ADGRG6: variants seen among roughly 807,000 people sequenced by gnomAD.
ADGRG6 encodes G-protein coupled receptor 126.
In ADGRG6, 84 loss-of-function variants were observed where a neutral mutation model predicts 142.4. The ratio of observed to expected loss-of-function variants is 0.59; its 90% CI spans 0.49 to 0.71. The LOEUF (loss-of-function observed/expected upper bound fraction) is 0.71, where lower values mean the gene tolerates loss of function less well. Among genes scored for constraint, ADGRG6 ranks in the 30% least tolerant of loss-of-function variants. The probability of loss-of-function intolerance (pLI) is 0.00; values close to 1 mark genes in which losing one functional copy is unlikely to be tolerated. For synonymous variants in ADGRG6, 521 were observed against 520.5 expected (o/e 1.00, Z -0.01); for missense variants, 1,367 against 1,466.6 (o/e 0.93, Z 1.11).
intron 16 of ADGRG6, among the ~76,000 whole-genome samples, chr6:142,408,922 C>A (rs968673560): frequency 2.0e-5 from 3 of 152,130 alleles, no homozygotes; most frequent in African/African-American, 7.2e-5. Flanking sequence ...CACCTAAGAT[C>A]TAGCCTCCTT....
intron 18 of ADGRG6, among the ~76,000 whole-genome samples, chr6:142,413,918 C>T (rs1776224122): frequency 6.6e-6 from 1 of 151,832 alleles, no homozygotes; most frequent in African/African-American, 2.4e-5. Context: ...CACACACACA[C>T]ACACACACAC....
chr6:142,334,042 G>T (rs1013572124), intron 2 of ADGRG6, among the ~76,000 whole-genome samples: 12 of 152,296 alleles, frequency 7.9e-5, no homozygotes, highest in African/African-American at 2.9e-4. Context: ...TTGTCTGAAG[G>T]AAGAAAGTCG....
At chr6:142,387,102 G>A (rs938897688) in intron 6 of ADGRG6, among the ~76,000 whole-genome samples, 12 of 152,196 alleles carry the variant, frequency 7.9e-5, no homozygotes, top group Non-Finnish European at 1.3e-4. Context: ...AGTCTTTAAA[G>A]CTACTTTTCA....
Position 142,350,064 on chromosome 6 carries a change from G to T in ADGRG6, c.104-17505G>T, listed in dbSNP as rs561150923. On this transcript the variant is annotated intron_variant, in intron 2 of 24. Transcript: ENST00000367609. Reference sequence around the variant, plus strand: ...CTTTGAAAAGCTTACAGACTTGATTGCATAAGCAAGGTAATTTTTAAAAAT... The same window carrying T: ...CTTTGAAAAGCTTACAGACTTGATTTCATAAGCAAGGTAATTTTTAAAAAT... 4.8e-3 allele frequency among the ~76,000 whole-genome samples: 733 copies of T among 152,288 alleles called. 8 individuals carry two copies. Among genetic ancestry groups the T allele is most frequent in the African/African-American group, 0.017 (695 of 41,556 alleles).
At chr6:142,361,408 CT>C (rs1780707407) in intron 2 of ADGRG6, among the ~76,000 whole-genome samples, 3 of 152,088 alleles carry the variant, frequency 2.0e-5, no homozygotes, top group African/African-American at 7.2e-5. Flanking sequence ...GTCTGAGATC[CT>C]CCGGCCAAAC....
At chr6:142,442,890 C>G (rs1777825354) in intron 24 of ADGRG6, among the ~76,000 whole-genome samples, 1 of 152,076 alleles carries the variant, frequency 6.6e-6, no homozygotes, top group Non-Finnish European at 1.5e-5. Flanking sequence ...TTGTAACCAT[C>G]AATTTATAGC....
At position 142,427,926 on chromosome 6, in the gene ADGRG6, C is replaced by T. The variant is rs185487072; in HGVS notation, c.3319+7822C>T. On this transcript the variant is annotated intron_variant, in intron 22 of 24. Transcript: ENST00000367609. ...TAATTCAATCACCTCCTACCAGGTT[C>T]CTCTCACGGTGTGTGAGAATTGTGG... Among the ~76,000 whole-genome samples, 165 of 152,286 alleles carry T rather than the reference C, an allele frequency of 1.1e-3. 2 individuals are homozygous for T. Among genetic ancestry groups the T allele is most frequent in the African/African-American group, 3.8e-3 (157 of 41,568 alleles).
chr6:142,311,254 A>T (rs1018282178), intron 2 of ADGRG6, among the ~76,000 whole-genome samples: 1 of 151,860 alleles, frequency 6.6e-6, no homozygotes, highest in Non-Finnish European at 1.5e-5. Flanking sequence ...AGATTTTCTT[A>T]TTTTTTGTTA....
intron 2 of ADGRG6, among the ~76,000 whole-genome samples, chr6:142,345,289 T>C (rs757231619): frequency 1.1e-4 from 17 of 152,106 alleles, no homozygotes; most frequent in African/African-American, 3.6e-4. Flanking sequence ...GGGAAAAGTA[T>C]AAGTAACTTG....
intron 1 of ADGRG6, among the ~76,000 whole-genome samples, chr6:142,305,228 G>A (rs1777429734): frequency 6.6e-6 from 1 of 152,112 alleles, no homozygotes; most frequent in South Asian, 2.1e-4. Context: ...CATGAAAACA[G>A]TGATATGTTT....
At chr6:142,418,295 TAAAAAAAAA>T in intron 21 of ADGRG6, among the ~76,000 whole-genome samples, 1 of 79,794 alleles carries the variant, frequency 1.3e-5, no homozygotes, top group East Asian at 3.9e-4. Flanking sequence ...AGACTCCATC[TAAAAAAAAA>T]AAAAAAAAAA....
chr6:142,303,723 G>T (rs920263028), intron 1 of ADGRG6, among the ~76,000 whole-genome samples: 2 of 151,996 alleles, frequency 1.3e-5, no homozygotes, highest in Admixed American at 6.6e-5. Flanking sequence ...GCAGGTATTT[G>T]CCCAGTTTTT....
chr6:142,311,518 A>G (rs1003640200), intron 2 of ADGRG6, among the ~76,000 whole-genome samples: 2 of 152,092 alleles, frequency 1.3e-5, no homozygotes, highest in Non-Finnish European at 2.9e-5. Context: ...TGAACTCCCA[A>G]GCCATTTAAA....
intron 2 of ADGRG6, among the ~76,000 whole-genome samples, chr6:142,346,334 T>A (rs1779900483): frequency 6.6e-6 from 1 of 152,236 alleles, no homozygotes; most frequent in South Asian, 2.1e-4. Context: ...TTTTTAATGA[T>A]TGCCATTCTA....
chr6:142,424,624 A>G (rs1459744136), intron 22 of ADGRG6, among the ~76,000 whole-genome samples: 1 of 151,088 alleles, frequency 6.6e-6, no homozygotes, highest in Non-Finnish European at 1.5e-5. Context: ...ATATTGGTCT[A>G]AAATTCTCTT....
intron 4 of ADGRG6, 23 bp downstream of exon 4, chr6:142,370,816 T>A (rs1159172852): frequency 2.2e-5 from 31 of 1,378,568 alleles, no homozygotes; most frequent in Non-Finnish European, 3.0e-5. Context: ...CGTATTCCTT[T>A]TTTTTTTTTT....
chr6:142,400,002 C>A (rs1775421774), intron 10 of ADGRG6, among the ~76,000 whole-genome samples: 2 of 152,036 alleles, frequency 1.3e-5, no homozygotes, highest in South Asian at 4.1e-4. Flanking sequence ...AGTTAGCTTC[C>A]AGGCAGGAGA....
intron 22 of ADGRG6, among the ~76,000 whole-genome samples, chr6:142,435,662 G>A (rs1777450479): frequency 1.3e-5 from 2 of 152,048 alleles, no homozygotes; most frequent in Admixed American, 1.3e-4. Flanking sequence ...AGCCAGCACA[G>A]CATTGAATAC....
chr6:142,344,171 G>T (rs912173294), intron 2 of ADGRG6, among the ~76,000 whole-genome samples: 4 of 151,820 alleles, frequency 2.6e-5, no homozygotes, highest in African/African-American at 9.7e-5. Flanking sequence ...TTCCCTAGAT[G>T]GTGTCACTGA....
Sources: allele counts gnomAD v4.1 joint callset (sites outside exome capture counted in the v4.1 genomes callset), GRCh38; gene constraint gnomAD v4.1.1; transcripts MANE v1.5; gene names NCBI Gene and HGNC (gene_info 2026-07-23, HGNC 2026-07-21).